Variants in TF observed in about 807,000 individuals in gnomAD.
TF encodes transferrin.
TF carries 55 observed loss-of-function variants against 82.4 expected under a neutral mutation model. That is an observed-to-expected ratio of 0.67 (90% CI 0.54 to 0.84). The LOEUF is 0.84. Among genes scored for constraint, TF ranks in the 40% least tolerant of loss-of-function variants. The probability of loss-of-function intolerance (pLI) is 0.00; values close to 1 mark genes in which losing one functional copy is unlikely to be tolerated. For synonymous variants in TF, 332 were observed against 332.6 expected (o/e 1.00, Z 0.02); for missense variants, 737 against 868.4 (o/e 0.85, Z 1.90).
chr3:133,740,331 CAG>C, the TF span, among the ~76,000 whole-genome samples: 1 of 152,020 alleles, frequency 6.6e-6, no homozygotes, highest in Non-Finnish European at 1.5e-5. Context: ...TGGGGCCTCT[CAG>C]GGGGTTGGGG....
At chr3:133,666,003 T>C in the TF span, among the ~76,000 whole-genome samples, 15 of 151,942 alleles carry the variant, frequency 9.9e-5, no homozygotes, top group South Asian at 1.5e-3. Flanking sequence ...TAGTTACTTT[T>C]ACAATGTGGG....
At chr3:133,724,018 G>T in the TF span, among the ~76,000 whole-genome samples, 1 of 152,140 alleles carries the variant, frequency 6.6e-6, no homozygotes, top group Non-Finnish European at 1.5e-5. Flanking sequence ...GTATTCCATG[G>T]TGTATATGTG....
chr3:133,728,297 G>T, the TF span, among the ~76,000 whole-genome samples: 1 of 152,198 alleles, frequency 6.6e-6, no homozygotes, highest in Admixed American at 6.5e-5. Context: ...ACACCAATCA[G>T]ATGCAGATTT....
At chr3:133,764,737 A>G in intron 10 of TF, 138 bp from the exon 11 acceptor site, 1 of 807,020 alleles carries the variant, frequency 1.2e-6, no homozygotes, top group South Asian at 1.7e-5. Context: ...GAGAGTCTGG[A>G]CTTGTTGGGA....
At position 133,783,981 on chromosome 3, in the gene TF, A is replaced by C. The variant is rs953618130; in HGVS notation, c.*5361A>C. The C allele has an allele frequency of 6.6e-6, 1 of 152,632 alleles. No individual in the cohort carries two copies. Among genetic ancestry groups the C allele is most frequent in the Admixed American group, 6.5e-5 (1 of 15,294 alleles). 9.5% of individuals were successfully genotyped at this position (152,632 alleles called of 1,614,324 possible). ...CGGCCCCAACGCCGCGGAGGCCACC[A>C]GCGGGTGCAGAGGGCCAGGAAAGCT... On this transcript the variant is annotated 3_prime_UTR_variant, in exon 17 of 17. Transcript: ENST00000402696.
rs8177301 is a variant in TF at position 133,774,865 on chromosome 3, T to G, written c.1688-568T>G. On this transcript the variant is annotated intron_variant, in intron 14 of 16. Coordinates refer to ENST00000402696, the MANE Select transcript of TF (RefSeq NM_001063.4). ...TGAAACCCTAAGAATGGGTGAGTTT[T>G]TTTTTTTTTTCAGAGACAATACAGA... 2.0e-3 allele frequency: 611 copies of G among 300,152 alleles called. 7 individuals are homozygous for G. Among genetic ancestry groups the G allele is most frequent in the African/African-American group, 0.012 (550 of 44,944 alleles). The allele number at this position is 300,152 out of a possible 1,614,324, so 18.6% of individuals were successfully genotyped here.
At chr3:133,685,392 G>A in the TF span, among the ~76,000 whole-genome samples, 24 of 152,272 alleles carry the variant, frequency 1.6e-4, no homozygotes, top group East Asian at 3.3e-3. Context: ...TATTCGATTA[G>A]GAAAAGAGGA....
Position 133,754,649 on chromosome 3 carries a change from G to T in TF, c.480G>T (p.Glu160Asp). The T allele has an allele frequency of 6.2e-7, 1 of 1,614,206 alleles. No homozygotes were observed. Among genetic ancestry groups the T allele is most frequent in the Non-Finnish European group, 8.5e-7 (1 of 1,180,046 alleles). The change falls in exon 4 of 17, where the codon GAG becomes GAT. Residue 160 changes from glutamate to aspartate, a missense_variant. By Grantham distance (45) the Glu-to-Asp change is conservative. Transcript: ENST00000402696. Reference sequence around the variant, plus strand: ...GCTTACTTTACTGTGACTTACCTGAGCCACGTAAACCTCTTGAGAAAGGTA... The same window carrying T: ...GCTTACTTTACTGTGACTTACCTGATCCACGTAAACCTCTTGAGAAAGGTA... ...PIGLLYCDLP[E>D]PRKPLEKAVA...
At chr3:133,775,865 T>C (rs1266663408) in intron 15 of TF, among the ~76,000 whole-genome samples, 6 of 152,320 alleles carry the variant, frequency 3.9e-5, no homozygotes, top group Non-Finnish European at 8.8e-5. Context: ...CTTCCTCATA[T>C]ATAAAATTGT....
the TF span, among the ~76,000 whole-genome samples, chr3:133,695,966 A>G: frequency 6.6e-6 from 1 of 152,310 alleles, no homozygotes; most frequent in Non-Finnish European, 1.5e-5. Context: ...ATTCTATCAC[A>G]CTATCAGAAC....
the TF span, among the ~76,000 whole-genome samples, chr3:133,679,118 G>A: frequency 2.0e-5 from 3 of 152,120 alleles, no homozygotes; most frequent in South Asian, 2.1e-4. Context: ...TGATCCACCC[G>A]CCTCAGCCTC....
chr3:133,698,889 G>A, the TF span, among the ~76,000 whole-genome samples: 1 of 152,178 alleles, frequency 6.6e-6, no homozygotes, highest in Non-Finnish European at 1.5e-5. Flanking sequence ...TACCCTGACT[G>A]GGCCCCTAGA....
rs898271703 is a variant in TF, at chr3:133,793,943, A to G, written c.*15323A>G. On this transcript the variant is annotated 3_prime_UTR_variant, in exon 17 of 17. Coordinates refer to ENST00000402696, the MANE Select transcript of TF (RefSeq NM_001063.4). ...GCTAACCCAAGTAGAACAAAAATTA[A>G]TTAAATACCAAGAAAATACTTTGCC... The G allele has an allele frequency of 1.3e-5, 2 of 152,236 alleles. No individual in the cohort carries two copies. The highest frequency in any genetic ancestry group is 4.8e-5 in the African/African-American group (2 of 41,462). 9.4% of individuals were successfully genotyped at this position (152,236 alleles called of 1,614,324 possible).
intron 3 of TF, 156 bp downstream of exon 3, chr3:133,753,859 C>A: frequency 2.8e-6 from 2 of 721,352 alleles, no homozygotes; most frequent in Non-Finnish European, 2.5e-6. Flanking sequence ...GCCACAGCCA[C>A]ACATCAAGGC....
At chr3:133,696,907 T>C in the TF span, among the ~76,000 whole-genome samples, 1 of 152,148 alleles carries the variant, frequency 6.6e-6, no homozygotes. Flanking sequence ...CTGGGTCTTA[T>C]AACAAATTAA....
the TF span, among the ~76,000 whole-genome samples, chr3:133,710,528 C>A: frequency 6.6e-6 from 1 of 152,176 alleles, no homozygotes; most frequent in Non-Finnish European, 1.5e-5. Flanking sequence ...TCTTAGCAGA[C>A]CATTTCACCT....
intron 2 of TF, among the ~76,000 whole-genome samples, chr3:133,750,414 A>T (rs943761195): frequency 1.3e-5 from 2 of 151,946 alleles, no homozygotes; most frequent in Non-Finnish European, 2.9e-5. Context: ...TGGAAGAAAC[A>T]TCCAGATGCA....
rs1030006209 is a variant in TF, at chr3:133,786,321, A to C, written c.*7701A>C. On this transcript the variant is annotated 3_prime_UTR_variant, in exon 17 of 17. Transcript: ENST00000402696. ...AAAATTAGAGATAGTAAAATAACAC[A>C]TTTTGTAAATCTTTTTGTTAAAATT... 1 of 152,044 alleles carries C rather than the reference A, an allele frequency of 6.6e-6. No individual in the cohort carries two copies. The highest frequency in any genetic ancestry group is 1.5e-5 in the Non-Finnish European group (1 of 68,032). 9.4% of individuals were successfully genotyped at this position (152,044 alleles called of 1,614,324 possible).
chr3:133,775,904 T>C (rs1057015956), intron 15 of TF, among the ~76,000 whole-genome samples: 1 of 152,190 alleles, frequency 6.6e-6, no homozygotes, highest in African/African-American at 2.4e-5. Context: ...TACTTCTCAG[T>C]TAACATGAGT....
Sources: allele counts gnomAD v4.1 joint callset (sites outside exome capture counted in the v4.1 genomes callset), GRCh38; gene constraint gnomAD v4.1.1; transcripts MANE v1.5; gene names NCBI Gene and HGNC (gene_info 2026-07-23, HGNC 2026-07-21).